The following PKIA variants were observed in gnomAD, a reference collection of about 807,000 sequenced individuals.
The protein encoded by PKIA is cAMP-dependent protein kinase inhibitor alpha.
A neutral mutation model predicts 7.6 loss-of-function variants in PKIA; 4 were observed. That is an observed-to-expected ratio of 0.52 (90% CI 0.26 to 1.20). PKIA has a LOEUF of 1.20. Among genes scored for constraint, PKIA ranks in the 50% most tolerant of loss-of-function variants. PKIA has a pLI of 0.13. For synonymous variants in PKIA, 21 were observed against 30.7 expected, an observed-to-expected ratio of 0.68 and a Z score of 1.04; for missense variants, 73 against 86.2, an observed-to-expected ratio of 0.85 and a Z score of 0.61.
chr8:78,565,569 A>G (rs575149781), intron 1 of PKIA, among the ~76,000 whole-genome samples: 2 of 152,044 alleles, frequency 1.3e-5, no homozygotes, highest in South Asian at 4.1e-4. Context: ...GCATAGTTAG[A>G]AGCTCCTAAA....
chr8:78,583,767 A>G (rs887245170), intron 2 of PKIA, among the ~76,000 whole-genome samples: 1 of 152,088 alleles, frequency 6.6e-6, no homozygotes, highest in East Asian at 1.9e-4. Context: ...CTAATCTATT[A>G]TAACCTTCCT....
chr8:78,562,032 C>G (rs542786705), intron 1 of PKIA, among the ~76,000 whole-genome samples: 1 of 152,160 alleles, frequency 6.6e-6, no homozygotes, highest in African/African-American at 2.4e-5. Context: ...ACTTCTCCCA[C>G]TGAAAGGGAG....
At chr8:78,559,427 A>T (rs1807231922) in intron 1 of PKIA, among the ~76,000 whole-genome samples, 1 of 152,188 alleles carries the variant, frequency 6.6e-6, no homozygotes, top group Non-Finnish European at 1.5e-5. Context: ...AGCACTAAGC[A>T]TGCATTGCTT....
chr8:78,574,167 G>C lies in PKIA; in HGVS notation c.-28+1228G>C, dbSNP rs190876857. 5.4e-4 allele frequency among the ~76,000 whole-genome samples: 82 copies of C among 152,018 alleles called. 1 individual carries two copies. Among genetic ancestry groups the C allele is most frequent in the Non-Finnish European group, 6.2e-4 (42 of 67,928 alleles). ...AACAGTAATTGTACATATTTATGGGGTATAGTGTGATGTTTAATGCATATA... is the reference window on the plus strand; with the variant it reads ...AACAGTAATTGTACATATTTATGGGCTATAGTGTGATGTTTAATGCATATA... On this transcript the variant is annotated intron_variant, in intron 2 of 3. Coordinates refer to ENST00000396418, the MANE Select transcript of PKIA (RefSeq NM_006823.4).
At chr8:78,565,720 A>G (rs1210943683) in intron 1 of PKIA, among the ~76,000 whole-genome samples, 1 of 151,770 alleles carries the variant, frequency 6.6e-6, no homozygotes, top group East Asian at 1.9e-4. Context: ...TTGCCAGTAT[A>G]ATGTTTATAG....
At position 78,601,853 on chromosome 8, in the gene PKIA, A is replaced by G; in HGVS notation, c.*32A>G. On this transcript the variant is annotated 3_prime_UTR_variant, in exon 4 of 4. Coordinates refer to ENST00000396418, the MANE Select transcript of PKIA (RefSeq NM_006823.4). ...ACTTTGACCCTCGACCACACCTGAAAATGTCTCAAATCTCCAGGAGTATCT... is the reference window on the plus strand; with the variant it reads ...ACTTTGACCCTCGACCACACCTGAAGATGTCTCAAATCTCCAGGAGTATCT... The G allele has an allele frequency of 1.3e-6, 2 of 1,489,224 alleles. No individual in the cohort carries two copies. Among genetic ancestry groups the G allele is most frequent in the Non-Finnish European group, 1.9e-6 (2 of 1,068,982 alleles). 92.3% of individuals were successfully genotyped at this position (1,489,224 alleles called of 1,614,324 possible).
chr8:78,584,573 T>C (rs561340215), intron 2 of PKIA, among the ~76,000 whole-genome samples: 2 of 152,252 alleles, frequency 1.3e-5, no homozygotes, highest in East Asian at 3.9e-4. Flanking sequence ...CAAATGAGTT[T>C]GGTTGATACA....
At chr8:78,542,931 T>C (rs537782885) in intron 1 of PKIA, among the ~76,000 whole-genome samples, 5 of 152,308 alleles carry the variant, frequency 3.3e-5, no homozygotes, top group East Asian at 3.9e-4. Flanking sequence ...TGCTGAATTA[T>C]GCCCAAGATT....
intron 1 of PKIA, among the ~76,000 whole-genome samples, chr8:78,518,752 A>C (rs906862064): frequency 6.6e-6 from 1 of 152,224 alleles, no homozygotes; most frequent in African/African-American, 2.4e-5. Flanking sequence ...GTGATTTTGC[A>C]GGTGAGTTGA....
At chr8:78,541,316 A>G (rs185246726) in intron 1 of PKIA, among the ~76,000 whole-genome samples, 4 of 152,242 alleles carry the variant, frequency 2.6e-5, no homozygotes, top group South Asian at 2.1e-4. Flanking sequence ...CTTCAACCCA[A>G]TGGGTCATGC....
chr8:78,596,519 G>C (rs116830450), intron 2 of PKIA, among the ~76,000 whole-genome samples: 1 of 152,274 alleles, frequency 6.6e-6, no homozygotes, highest in African/African-American at 2.4e-5. Context: ...GATTACAGGC[G>C]TGAGCCACCG....
intron 3 of PKIA, among the ~76,000 whole-genome samples, chr8:78,601,220 C>G (rs1808343112): frequency 6.6e-6 from 1 of 152,030 alleles, no homozygotes; most frequent in African/African-American, 2.4e-5. Context: ...GACATAGTGT[C>G]CTTTCATTTT....
chr8:78,545,994 C>T (rs1393235043), intron 1 of PKIA, among the ~76,000 whole-genome samples: 1 of 152,124 alleles, frequency 6.6e-6, no homozygotes, highest in Non-Finnish European at 1.5e-5. Flanking sequence ...CAAGAATGCT[C>T]ATTAGATTAT....
At chr8:78,582,652 A>G (rs1030334445) in intron 2 of PKIA, among the ~76,000 whole-genome samples, 10 of 152,134 alleles carry the variant, frequency 6.6e-5, no homozygotes, top group African/African-American at 2.2e-4. Context: ...CTGTATTACA[A>G]TAAAATCAAC....
At chr8:78,571,545 C>A (rs868790887) in intron 1 of PKIA, among the ~76,000 whole-genome samples, 2 of 152,090 alleles carry the variant, frequency 1.3e-5, no homozygotes, top group Non-Finnish European at 2.9e-5. Context: ...ACTTTCTCAC[C>A]CACTGGTGGG....
chr8:78,526,355 T>G (rs542594424), intron 1 of PKIA, among the ~76,000 whole-genome samples: 1 of 152,180 alleles, frequency 6.6e-6, no homozygotes, highest in East Asian at 1.9e-4. Flanking sequence ...AAAAGTCAAT[T>G]GGCTAGCAAT....
chr8:78,543,892 A>G (rs1806757080), intron 1 of PKIA, among the ~76,000 whole-genome samples: 1 of 152,014 alleles, frequency 6.6e-6, no homozygotes, highest in African/African-American at 2.4e-5. Context: ...TACTGTTCCA[A>G]CCTATGGCTG....
At chr8:78,576,200 A>G (rs1807671175) in intron 2 of PKIA, among the ~76,000 whole-genome samples, 1 of 151,980 alleles carries the variant, frequency 6.6e-6, no homozygotes, top group African/African-American at 2.4e-5. Context: ...TCAGTCTCTA[A>G]TAGTTTTAGT....
chr8:78,532,081 T>TA (rs2118364970), intron 1 of PKIA, among the ~76,000 whole-genome samples: 1 of 152,222 alleles, frequency 6.6e-6, no homozygotes, highest in South Asian at 2.1e-4. Context: ...GTTATATAGG[T>TA]AAACTTGTGT....
Sources: gnomAD v4.1 joint callset for allele counts (sites outside exome capture counted in the v4.1 genomes callset) on GRCh38, gnomAD v4.1.1 for gene constraint, MANE v1.5 for transcripts, NCBI Gene and HGNC (gene_info 2026-07-23, HGNC 2026-07-21) for gene names.